NRCAM: variants seen among roughly 807,000 people sequenced by gnomAD.
NRCAM encodes the protein NgCAM-related cell adhesion molecule.
Under a neutral mutation model 156.5 loss-of-function variants are expected in NRCAM, and 83 were observed. The ratio of observed to expected loss-of-function variants is 0.53; its 90% CI spans 0.44 to 0.64. The LOEUF (loss-of-function observed/expected upper bound fraction) is 0.64, where lower values mean the gene tolerates loss of function less well. NRCAM is among the 30% of genes least tolerant of loss of function. The pLI is 0.00. For missense variants in NRCAM, 1,417 were observed against 1,597.3 expected, an observed-to-expected ratio of 0.89 and a Z score of 1.92; for synonymous variants, 538 against 563.9, an observed-to-expected ratio of 0.95 and a Z score of 0.65.
chr7:108,193,456 T>A (rs1424921077), intron 17 of NRCAM, among the ~76,000 whole-genome samples: 1 of 152,374 alleles, frequency 6.6e-6, no homozygotes, highest in East Asian at 1.9e-4. Flanking sequence ...CTATGTCAAA[T>A]TGAGGGTCTC....
At chr7:108,205,019 AG>A (rs2080374616) in intron 13 of NRCAM, among the ~76,000 whole-genome samples, 1 of 152,204 alleles carries the variant, frequency 6.6e-6, no homozygotes, top group Non-Finnish European at 1.5e-5. Flanking sequence ...TGGATTTACA[AG>A]GTTCCCTCAG....
chr7:108,408,349 C>T (rs375694633), intron 1 of NRCAM, among the ~76,000 whole-genome samples: 70 of 152,254 alleles, frequency 4.6e-4, no homozygotes, highest in Non-Finnish European at 7.5e-4. Flanking sequence ...AAGAACTAAA[C>T]GGAGAAAATG....
intron 3 of NRCAM, among the ~76,000 whole-genome samples, chr7:108,259,729 A>T (rs1410824635): frequency 6.6e-6 from 1 of 152,246 alleles, no homozygotes; most frequent in Non-Finnish European, 1.5e-5. Flanking sequence ...TATCCTCAGT[A>T]AACTACTGCA....
At chr7:108,229,581 A>G (rs936553445) in intron 8 of NRCAM, among the ~76,000 whole-genome samples, 1 of 151,754 alleles carries the variant, frequency 6.6e-6, no homozygotes, top group African/African-American at 2.4e-5. Flanking sequence ...AGTCTCCCAG[A>G]CTCTGCTTTC....
intron 1 of NRCAM, among the ~76,000 whole-genome samples, chr7:108,413,068 ATGGTAG>A (rs1797427092): frequency 6.6e-6 from 1 of 152,144 alleles, no homozygotes; most frequent in African/African-American, 2.4e-5. Flanking sequence ...GTTGGATCAT[ATGGTAG>A]TTCTATTTTT....
intron 20 of NRCAM, among the ~76,000 whole-genome samples, chr7:108,187,279 G>A (rs769894903): frequency 3.3e-5 from 5 of 152,044 alleles, no homozygotes; most frequent in East Asian, 1.9e-4. Flanking sequence ...ACCCACCACC[G>A]AACTCTTCAG....
At chr7:108,435,484 C>T (rs1018467805) in intron 1 of NRCAM, among the ~76,000 whole-genome samples, 6 of 151,832 alleles carry the variant, frequency 4.0e-5, no homozygotes, top group East Asian at 1.9e-4. Context: ...AAGAGTGGGT[C>T]GAAAAATACT....
chr7:108,304,576 G>A (rs2098687295), intron 3 of NRCAM, among the ~76,000 whole-genome samples: 1 of 152,086 alleles, frequency 6.6e-6, no homozygotes, highest in South Asian at 2.1e-4. Context: ...CCACCAGACA[G>A]GCATTACATG....
chr7:108,299,196 A>G (rs2098540410), intron 3 of NRCAM, among the ~76,000 whole-genome samples: 1 of 150,026 alleles, frequency 6.7e-6, no homozygotes. Context: ...CAAAGGGGCC[A>G]GGGAAAGGAG....
chr7:108,422,447 T>A (rs1811243469), intron 1 of NRCAM, among the ~76,000 whole-genome samples: 1 of 152,130 alleles, frequency 6.6e-6, no homozygotes, highest in Non-Finnish European at 1.5e-5. Context: ...TACTGAATAC[T>A]CACTTACTGT....
intron 32 of NRCAM, among the ~76,000 whole-genome samples, chr7:108,156,984 A>G (rs564678930): frequency 1.4e-4 from 21 of 152,302 alleles, no homozygotes; most frequent in Non-Finnish European, 2.4e-4. Flanking sequence ...AGGTAGTGTC[A>G]GGAAATCAAA....
At chr7:108,221,105 A>T (rs770368383) in intron 11 of NRCAM, among the ~76,000 whole-genome samples, 4 of 152,236 alleles carry the variant, frequency 2.6e-5, no homozygotes, top group Admixed American at 1.3e-4. Flanking sequence ...AATGCTCAAC[A>T]TCACTAATGA....
chr7:108,284,347 C>T (rs2097988387), intron 3 of NRCAM, among the ~76,000 whole-genome samples: 1 of 151,990 alleles, frequency 6.6e-6, no homozygotes, highest in African/African-American at 2.4e-5. Context: ...ACCTCTTTTA[C>T]TTTCTTTATT....
At chr7:108,248,415 C>T (rs2096108135) in intron 3 of NRCAM, among the ~76,000 whole-genome samples, 1 of 152,020 alleles carries the variant, frequency 6.6e-6, no homozygotes, top group African/African-American at 2.4e-5. Context: ...TCAATGTGTA[C>T]TCCTTTCCTA....
intron 2 of NRCAM, among the ~76,000 whole-genome samples, chr7:108,317,109 A>G (rs1239175108): frequency 6.6e-6 from 1 of 152,182 alleles, no homozygotes; most frequent in Admixed American, 6.5e-5. Context: ...AGCTTGGGTG[A>G]AGAGTAGAGA....
intron 3 of NRCAM, among the ~76,000 whole-genome samples, chr7:108,297,459 T>A (rs189980447): frequency 4.6e-5 from 7 of 152,310 alleles, no homozygotes; most frequent in African/African-American, 1.2e-4. Flanking sequence ...TTTAATTAGC[T>A]AACAACATTA....
rs1482681670 is a variant in NRCAM at position 108,184,450 on chromosome 7, C to T, written c.2200G>A (p.Glu734Lys). The change falls in exon 21 of 33, where the codon GAG (glutamate) becomes AAG (lysine). Residue 734 changes from glutamate to lysine, a missense_variant. Glu to Lys is a moderately conservative substitution (Grantham distance 56, BLOSUM62 1). Transcript: ENST00000379028. ...TTCGTCAAATACTGCTCAGACGCCT[C>T]GCTGGGCAAGCTCTTCCCAATGCTG... ...VNSIGKSLPSEASEQYLTKAS... is the reference protein window; with the variant it reads ...VNSIGKSLPSKASEQYLTKAS... The T allele has an allele frequency of 9.3e-6, 15 of 1,614,060 alleles. No homozygotes were observed. Among genetic ancestry groups the T allele is most frequent in the East Asian group, 2.2e-5 (1 of 44,890 alleles).
intron 11 of NRCAM, among the ~76,000 whole-genome samples, chr7:108,216,062 C>G (rs776196505): frequency 1.3e-5 from 2 of 152,250 alleles, no homozygotes; most frequent in Non-Finnish European, 2.9e-5. Context: ...TTTTTCCTTT[C>G]CATATTTAGT....
At chr7:108,332,852 G>C (rs951092117) in intron 2 of NRCAM, among the ~76,000 whole-genome samples, 1 of 151,988 alleles carries the variant, frequency 6.6e-6, no homozygotes, top group African/African-American at 2.4e-5. Context: ...AAATGTATCA[G>C]ACAATTCAAA....
Sources: gnomAD v4.1 joint callset for allele counts (sites outside exome capture counted in the v4.1 genomes callset) on GRCh38, gnomAD v4.1.1 for gene constraint, MANE v1.5 for transcripts, NCBI Gene and HGNC (gene_info 2026-07-23, HGNC 2026-07-21) for gene names.